Variants in TBC1D9 observed in about 807,000 individuals in gnomAD.
TBC1D9 encodes the protein TBC1 domain family member 9.
Under a neutral mutation model 132.0 loss-of-function variants are expected in TBC1D9, and 63 were observed. The ratio of observed to expected loss-of-function variants is 0.48; its 90% CI spans 0.39 to 0.59. TBC1D9 has a LOEUF of 0.59. Among genes scored for constraint, TBC1D9 ranks in the 20% least tolerant of loss-of-function variants. TBC1D9 has a pLI of 0.00. For missense variants in TBC1D9, 1,261 were observed against 1,592.7 expected (o/e 0.79, Z 3.54); for synonymous variants, 610 against 609.9 (o/e 1.00, Z 0.00).
At chr4:140,625,039 CA>C (rs1047684289) in intron 18 of TBC1D9, among the ~76,000 whole-genome samples, 2 of 143,694 alleles carry the variant, frequency 1.4e-5, no homozygotes, top group Non-Finnish European at 3.1e-5. Flanking sequence ...GCAACTAGAG[CA>C]AAACTCCATC....
At chr4:140,655,600 T>C (rs1052333998) in intron 13 of TBC1D9, among the ~76,000 whole-genome samples, 1 of 152,182 alleles carries the variant, frequency 6.6e-6, no homozygotes, top group African/African-American at 2.4e-5. Context: ...GAAGAAACCA[T>C]CAAGTGTTAT....
intron 6 of TBC1D9, among the ~76,000 whole-genome samples, chr4:140,671,688 G>C (rs1737538387): frequency 6.6e-6 from 1 of 150,820 alleles, no homozygotes; most frequent in Non-Finnish European, 1.5e-5. Context: ...GTGTGTGTGT[G>C]TGTGTGTGTG....
intron 1 of TBC1D9, among the ~76,000 whole-genome samples, chr4:140,747,025 T>A (rs565960802): frequency 3.6e-4 from 54 of 151,158 alleles, no homozygotes; most frequent in African/African-American, 4.1e-4. Flanking sequence ...AAAAAATAAA[T>A]AAATAAATAA....
chr4:140,661,907 T>G lies in TBC1D9; in HGVS notation c.1789A>C (p.Ile597Leu). The change falls in exon 10 of 21, where the codon ATA (isoleucine) becomes CTA (leucine). Residue 597 changes from isoleucine to leucine, a missense_variant. Physicochemically the swap from Ile to Leu is conservative, Grantham distance 5. Coordinates refer to ENST00000442267, the MANE Select transcript of TBC1D9 (RefSeq NM_015130.3). ...LTAYAFRNPNIGYCQAMNIVT... is the reference protein window; with the variant it reads ...LTAYAFRNPNLGYCQAMNIVT... ...GTGACATTTACCTGGCAATACCCTA[T>G]GTTGGGATTTCGAAAAGCATAAGCT... is the stretch of plus-strand genomic sequence containing the variant. 6.2e-7 allele frequency: 1 copy of G among 1,613,696 alleles called. No individual in the cohort carries two copies. Among genetic ancestry groups the G allele is most frequent in the Non-Finnish European group, 8.5e-7 (1 of 1,179,680 alleles).
chr4:140,739,093 T>C (rs889319712), intron 1 of TBC1D9, among the ~76,000 whole-genome samples: 1 of 151,668 alleles, frequency 6.6e-6, no homozygotes, highest in African/African-American at 2.4e-5. Context: ...ACCTTCTGGA[T>C]TCAAGTGATT....
intron 13 of TBC1D9, among the ~76,000 whole-genome samples, chr4:140,656,437 G>T (rs1462516290): frequency 6.6e-6 from 1 of 152,136 alleles, no homozygotes; most frequent in Non-Finnish European, 1.5e-5. Flanking sequence ...TAGGTCTCCT[G>T]TGCAAATAAC....
intron 13 of TBC1D9, among the ~76,000 whole-genome samples, chr4:140,641,331 A>G (rs866411393): frequency 6.6e-5 from 10 of 152,220 alleles, no homozygotes; most frequent in African/African-American, 2.4e-4. Context: ...GAGGCTTTAA[A>G]AAGAGTGCCT....
chr4:140,698,071 T>C (rs1738003129), intron 2 of TBC1D9, among the ~76,000 whole-genome samples: 1 of 152,222 alleles, frequency 6.6e-6, no homozygotes. Context: ...ACTTCTTTCT[T>C]TTTAGTTCTT....
intron 6 of TBC1D9, among the ~76,000 whole-genome samples, chr4:140,673,461 G>A (rs1737569065): frequency 6.6e-6 from 1 of 152,146 alleles, no homozygotes; most frequent in African/African-American, 2.4e-5. Flanking sequence ...CAGCTCACGT[G>A]GAGGGCACCC....
chr4:140,754,614 C>CAAA (rs34471976), intron 1 of TBC1D9, among the ~76,000 whole-genome samples: 8,925 of 23,290 alleles, frequency 0.38, 2,378 homozygotes, highest in East Asian at 0.63. Context: ...GACTCTGTCT[C>CAAA]AAAAAAAAAA....
At chr4:140,711,449 G>T (rs760244803) in intron 1 of TBC1D9, among the ~76,000 whole-genome samples, 2 of 152,170 alleles carry the variant, frequency 1.3e-5, no homozygotes, top group Non-Finnish European at 2.9e-5. Context: ...ATACCCCTCA[G>T]ATCCCTTCTC....
chr4:140,642,446 GA>G, intron 13 of TBC1D9: 2 of 885,418 alleles, frequency 2.3e-6, no homozygotes, highest in Non-Finnish European at 3.7e-6. Flanking sequence ...CTGTCATAAG[GA>G]GTTAAGTACT....
Position 140,622,900 on chromosome 4 carries a change from C to G in TBC1D9, c.3096G>C (p.Leu1032=), listed in dbSNP as rs1302578582. ...TGAACATGTTATACATTGTCTTACA[C>G]AGTTCAATGAACTGCCCCTGAAAAG... is the stretch of plus-strand genomic sequence containing the variant. ...PKLNQGQFIE[L]CKTMYNMFSE... is the part of the protein sequence containing the mutation. Residue 1032 remains leucine, a synonymous_variant, in exon 21 of 21, where the codon CTG becomes CTC. Coordinates refer to ENST00000442267, the MANE Select transcript of TBC1D9 (RefSeq NM_015130.3). The G allele has an allele frequency of 2.6e-6, 4 of 1,552,842 alleles. No individual in the cohort carries two copies. Among genetic ancestry groups the G allele is most frequent in the Non-Finnish European group, 3.5e-6 (4 of 1,151,690 alleles).
At chr4:140,627,381 CA>C (rs1736725452) in intron 18 of TBC1D9, 59 bp downstream of exon 18, 1 of 1,101,730 alleles carries the variant, frequency 9.1e-7, no homozygotes. Flanking sequence ...AGTCTTTTTC[CA>C]ATAATGGAGG....
chr4:140,698,999 A>C (rs1241667134), intron 2 of TBC1D9, among the ~76,000 whole-genome samples: 2 of 152,318 alleles, frequency 1.3e-5, no homozygotes, highest in African/African-American at 4.8e-5. Flanking sequence ...TACGTTTCTC[A>C]AGAGCAGAGA....
At chr4:140,705,367 C>G (rs1194236347) in intron 1 of TBC1D9, among the ~76,000 whole-genome samples, 2 of 152,094 alleles carry the variant, frequency 1.3e-5, no homozygotes, top group African/African-American at 4.8e-5. Context: ...TTGCCTTGTC[C>G]CATTTTTTCC....
chr4:140,633,463 C>T lies in TBC1D9; in HGVS notation c.2746+485G>A, dbSNP rs75459852. On this transcript the variant is annotated intron_variant, in intron 16 of 20. Coordinates refer to ENST00000442267, the MANE Select transcript of TBC1D9 (RefSeq NM_015130.3). Reference sequence around the variant, plus strand: ...TGCTCCTGCTGGAAGGTTCCTCCTCCCAGCAAAAGGGAGAGAAAAGACTTC... The same window carrying T: ...TGCTCCTGCTGGAAGGTTCCTCCTCTCAGCAAAAGGGAGAGAAAAGACTTC... Among the ~76,000 whole-genome samples, 314 of 152,232 alleles carry T rather than the reference C, an allele frequency of 2.1e-3. 9 individuals carry two copies. The East Asian group carries it at 0.053, about 26-fold the overall frequency.
chr4:140,731,694 C>T (rs970407106), intron 1 of TBC1D9, among the ~76,000 whole-genome samples: 4 of 150,204 alleles, frequency 2.7e-5, no homozygotes, highest in South Asian at 2.1e-4. Context: ...CACACACACA[C>T]CCCAAACATT....
rs1382500714 is a variant in TBC1D9 at position 140,709,248 on chromosome 4, T to TCTCA, written c.131-7635_131-7634insTGAG. Among the ~76,000 whole-genome samples, 364 of 104,178 alleles carry TCTCA rather than the reference T, an allele frequency of 3.5e-3. 3 individuals carry two copies. The highest frequency in any genetic ancestry group is 0.011 in the African/African-American group (260 of 22,686). The allele number at this position is 104,178 out of a possible 152,430, so 68.3% of individuals were successfully genotyped here. On this transcript the variant is annotated intron_variant, in intron 1 of 20. Coordinates refer to ENST00000442267, the MANE Select transcript of TBC1D9 (RefSeq NM_015130.3). Reference sequence around the variant, plus strand: ...CTCTCTCTCTCTCTCTCTCTCTCTCTCACACACACACACACACACACACAC... The same window carrying TCTCA: ...CTCTCTCTCTCTCTCTCTCTCTCTCTCTCACACACACACACACACACACACACAC...
Sources: allele counts gnomAD v4.1 joint callset (sites outside exome capture counted in the v4.1 genomes callset), GRCh38; gene constraint gnomAD v4.1.1; transcripts MANE v1.5; gene names NCBI Gene and HGNC (gene_info 2026-07-23, HGNC 2026-07-21).